STX8: variants seen among roughly 807,000 people sequenced by gnomAD.
STX8 encodes the protein syntaxin 8, also known as syntaxin-8.
STX8 carries 23 observed loss-of-function variants against 37.5 expected under a neutral mutation model. That is an observed-to-expected ratio of 0.61 (90% confidence interval 0.44 to 0.87). The LOEUF is 0.87. STX8 is among the 40% of genes least tolerant of loss of function. STX8 has a pLI of 0.00. For synonymous variants in STX8, 115 were observed against 99.1 expected (o/e 1.16, Z -0.95); for missense variants, 313 against 284.7 (o/e 1.10, Z -0.71).
chr17:9,511,728 T>C (rs1271301593), intron 4 of STX8, among the ~76,000 whole-genome samples: 1 of 152,108 alleles, frequency 6.6e-6, no homozygotes, highest in Non-Finnish European at 1.5e-5. Flanking sequence ...GTACTGGAAG[T>C]CTTAGCCATG....
At chr17:9,411,657 C>T (rs530153579) in intron 6 of STX8, among the ~76,000 whole-genome samples, 1 of 152,262 alleles carries the variant, frequency 6.6e-6, no homozygotes, top group African/African-American at 2.4e-5. Context: ...GGATCGTTTC[C>T]TCACTAGGTT....
chr17:9,262,138 C>T (rs991783430), intron 7 of STX8, among the ~76,000 whole-genome samples: 25 of 152,210 alleles, frequency 1.6e-4, no homozygotes, highest in African/African-American at 5.5e-4. Flanking sequence ...ACACCAAATG[C>T]TTATCTCATT....
At chr17:9,481,439 G>C (rs572575765) in intron 6 of STX8, among the ~76,000 whole-genome samples, 5 of 152,180 alleles carry the variant, frequency 3.3e-5, no homozygotes, top group African/African-American at 9.6e-5. Context: ...AAATTCTAGG[G>C]GTGTAGCATC....
chr17:9,440,681 C>T (rs1470684475), intron 6 of STX8, among the ~76,000 whole-genome samples: 1 of 152,082 alleles, frequency 6.6e-6, no homozygotes, highest in Non-Finnish European at 1.5e-5. Context: ...TGGACCACCA[C>T]GCTCAGCTAA....
At chr17:9,441,832 C>T (rs933666307) in intron 6 of STX8, among the ~76,000 whole-genome samples, 4 of 151,976 alleles carry the variant, frequency 2.6e-5, no homozygotes, top group Middle Eastern at 3.4e-3. Context: ...CCCACCACCA[C>T]GCCCGGCTAA....
At chr17:9,330,626 G>A (rs1056193685) in intron 7 of STX8, among the ~76,000 whole-genome samples, 3 of 152,190 alleles carry the variant, frequency 2.0e-5, no homozygotes, top group Admixed American at 6.5e-5. Flanking sequence ...CACTGGCTTC[G>A]GCTTTCTGTT....
At chr17:9,432,762 A>G (rs1276152680) in intron 6 of STX8, among the ~76,000 whole-genome samples, 2 of 152,224 alleles carry the variant, frequency 1.3e-5, no homozygotes, top group African/African-American at 4.8e-5. Context: ...AGCTGGTGAT[A>G]GAATTAAATA....
At chr17:9,262,837 G>A (rs1907093281) in intron 7 of STX8, among the ~76,000 whole-genome samples, 1 of 152,054 alleles carries the variant, frequency 6.6e-6, no homozygotes, top group African/African-American at 2.4e-5. Flanking sequence ...GCCTCCCAAA[G>A]TGGTAGGATA....
At chr17:9,388,324 T>C (rs1021715882) in intron 6 of STX8, among the ~76,000 whole-genome samples, 2 of 151,102 alleles carry the variant, frequency 1.3e-5, no homozygotes, top group African/African-American at 4.9e-5. Context: ...CACTCACCTC[T>C]GTCTCCCAAA....
rs79883253 is a variant in STX8, at chr17:9,500,388, C to T, written c.448+4650G>A. 4.8e-3 allele frequency among the ~76,000 whole-genome samples: 729 copies of T among 152,212 alleles called. 1 individual carries two copies. The highest frequency in any genetic ancestry group is 8.1e-3 in the Non-Finnish European group (549 of 68,006). ...AAATGAGGTGAGTTCTAAGACTGCC[C>T]CGGATTACTACCTCATAAGAGTTCC... On this transcript the variant is annotated intron_variant, in intron 5 of 7. Transcript: ENST00000306357.
At chr17:9,432,501 GA>G (rs35936791) in intron 6 of STX8, among the ~76,000 whole-genome samples, 50,386 of 149,768 alleles carry the variant, frequency 0.34, 9,703 homozygotes, top group African/African-American at 0.54. Flanking sequence ...TAAATCGGAA[GA>G]AAAAAAAAAT....
intron 2 of STX8, among the ~76,000 whole-genome samples, chr17:9,564,774 A>G (rs1476057800): frequency 1.3e-5 from 2 of 152,386 alleles, no homozygotes; most frequent in African/African-American, 4.8e-5. Context: ...AAATGGCCAT[A>G]CTGCCCAAAG....
At chr17:9,288,378 T>C (rs1037739771) in intron 7 of STX8, among the ~76,000 whole-genome samples, 5 of 151,948 alleles carry the variant, frequency 3.3e-5, no homozygotes, top group Admixed American at 1.3e-4. Flanking sequence ...AGAATTTCAA[T>C]GGGCCGGGCG....
At position 9,292,346 on chromosome 17, in the gene STX8, GGT is replaced by G. The variant is rs370692791; in HGVS notation, c.644-41703_644-41702del. 2.4e-3 allele frequency among the ~76,000 whole-genome samples: 362 copies of G among 152,336 alleles called. 1 individual carries two copies. The highest frequency in any genetic ancestry group is 7.8e-3 in the African/African-American group (325 of 41,576). On this transcript the variant is annotated intron_variant, in intron 7 of 7. Transcript: ENST00000306357. Reference sequence around the variant, plus strand: ...ACTGGCGTGGGAGACCTGCAGCTTAGGTGTGTCACCACCGTGTGGTGGAAGGG... The same window carrying G: ...ACTGGCGTGGGAGACCTGCAGCTTAGGTGTCACCACCGTGTGGTGGAAGGG...
At chr17:9,486,770 G>C (rs867452340) in intron 6 of STX8, among the ~76,000 whole-genome samples, 7 of 152,058 alleles carry the variant, frequency 4.6e-5, no homozygotes, top group African/African-American at 1.4e-4. Context: ...GAGGTGGGAG[G>C]ATCACTTGAG....
chr17:9,527,421 G>A (rs1184191569), intron 4 of STX8, among the ~76,000 whole-genome samples: 1 of 152,088 alleles, frequency 6.6e-6, no homozygotes, highest in Non-Finnish European at 1.5e-5. Flanking sequence ...TCCAGCCTGG[G>A]TGACAGAGCG....
intron 7 of STX8, among the ~76,000 whole-genome samples, chr17:9,306,379 CAG>C (rs2142184719): frequency 6.6e-6 from 1 of 152,156 alleles, no homozygotes; most frequent in South Asian, 2.1e-4. Context: ...GTGGAGAAGA[CAG>C]GGAGCGGGGA....
At chr17:9,514,411 C>T (rs1413741760) in intron 4 of STX8, among the ~76,000 whole-genome samples, 2 of 152,100 alleles carry the variant, frequency 1.3e-5, no homozygotes, top group Non-Finnish European at 2.9e-5. Flanking sequence ...TCCAGACCAG[C>T]CCGGCCAACA....
chr17:9,281,781 A>G (rs1229167649), intron 7 of STX8, among the ~76,000 whole-genome samples: 1 of 152,208 alleles, frequency 6.6e-6, no homozygotes, highest in Non-Finnish European at 1.5e-5. Flanking sequence ...TAAAAATACA[A>G]AAATCAGCCA....
Sources: allele counts gnomAD v4.1 joint callset (sites outside exome capture counted in the v4.1 genomes callset), GRCh38; gene constraint gnomAD v4.1.1; transcripts MANE v1.5; gene names NCBI Gene and HGNC (gene_info 2026-07-23, HGNC 2026-07-21).